Variants in RBMS3 observed in about 807,000 individuals in gnomAD.
RBMS3 encodes RNA binding motif single stranded interacting protein 3.
In RBMS3, 27 loss-of-function variants were observed where a neutral mutation model predicts 66.8. That is an observed-to-expected ratio of 0.40 (90% confidence interval 0.30 to 0.56). RBMS3 has a LOEUF of 0.56. Ranked by LOEUF, RBMS3 falls within the 20% of genes least tolerant of loss-of-function variation. The pLI is 0.40. For missense variants in RBMS3, 513 were observed against 549.5 expected, an observed-to-expected ratio of 0.93 and a Z score of 0.66; for synonymous variants, 188 against 183.0, an observed-to-expected ratio of 1.03 and a Z score of -0.22.
At chr3:29,387,678 G>A (rs56064340) in intron 1 of RBMS3, among the ~76,000 whole-genome samples, 21,786 of 151,998 alleles carry the variant, frequency 0.14, 1,804 homozygotes, top group South Asian at 0.21. Context: ...CAAGGTGGGC[G>A]GATCATGAGG....
chr3:29,897,681 C>G (rs547370537), intron 9 of RBMS3, among the ~76,000 whole-genome samples: 2 of 151,768 alleles, frequency 1.3e-5, no homozygotes, highest in Admixed American at 1.3e-4. Flanking sequence ...ATCCACTATG[C>G]TTTTCATTCT....
chr3:29,927,900 C>G (rs372213776), intron 10 of RBMS3, among the ~76,000 whole-genome samples: 1 of 152,100 alleles, frequency 6.6e-6, no homozygotes. Context: ...CCCTACAACT[C>G]ATTCACTCTA....
intron 6 of RBMS3, among the ~76,000 whole-genome samples, chr3:29,867,358 G>A (rs2059388161): frequency 6.6e-6 from 1 of 151,224 alleles, no homozygotes; most frequent in Non-Finnish European, 1.5e-5. Flanking sequence ...GATTTCTTTA[G>A]CTTACACATT....
At chr3:29,713,772 G>A (rs1462634684) in intron 4 of RBMS3, among the ~76,000 whole-genome samples, 3 of 151,984 alleles carry the variant, frequency 2.0e-5, no homozygotes, top group Admixed American at 6.6e-5. Context: ...ATCTGTTATT[G>A]GGCCAGGTGC....
chr3:29,500,066 C>CT (rs766636744), intron 3 of RBMS3, among the ~76,000 whole-genome samples: 6,337 of 108,288 alleles, frequency 0.059, 214 homozygotes, highest in African/African-American at 0.15. Context: ...GAAGGATTTT[C>CT]TTTTTTTTTT....
intron 4 of RBMS3, among the ~76,000 whole-genome samples, chr3:29,701,598 G>T (rs576330787): frequency 2.0e-5 from 3 of 152,078 alleles, no homozygotes; most frequent in Non-Finnish European, 2.9e-5. Flanking sequence ...GGTGGGAACT[G>T]GGGCTGCGCG....
At chr3:29,952,912 A>G (rs1695776876) in intron 12 of RBMS3, among the ~76,000 whole-genome samples, 1 of 151,900 alleles carries the variant, frequency 6.6e-6, no homozygotes, top group Admixed American at 6.6e-5. Flanking sequence ...ACATTAGCAA[A>G]TAAAATATGA....
At chr3:29,326,931 C>T (rs1038460848) in intron 1 of RBMS3, among the ~76,000 whole-genome samples, 14 of 151,992 alleles carry the variant, frequency 9.2e-5, no homozygotes, top group African/African-American at 2.7e-4. Flanking sequence ...GGGGTTTCAC[C>T]GTGTTGGCCA....
intron 12 of RBMS3, among the ~76,000 whole-genome samples, chr3:29,965,423 G>T (rs1171903997): frequency 6.6e-6 from 1 of 151,962 alleles, no homozygotes; most frequent in African/African-American, 2.4e-5. Flanking sequence ...GGCCATTCTT[G>T]CAAGAGTAAG....
chr3:29,524,416 T>TC, intron 3 of RBMS3, among the ~76,000 whole-genome samples: 1 of 40,868 alleles, frequency 2.4e-5, no homozygotes, highest in Non-Finnish European at 4.3e-5. Flanking sequence ...TCCCTTTACA[T>TC]TTTTTTTTTT....
intron 4 of RBMS3, among the ~76,000 whole-genome samples, chr3:29,653,271 G>A (rs2050206024): frequency 1.3e-5 from 2 of 152,038 alleles, no homozygotes; most frequent in Admixed American, 6.6e-5. Flanking sequence ...TGCAAAATTG[G>A]GATTAGTATA....
intron 4 of RBMS3, among the ~76,000 whole-genome samples, chr3:29,589,393 T>A (rs1320949530): frequency 6.6e-6 from 1 of 152,086 alleles, no homozygotes; most frequent in Non-Finnish European, 1.5e-5. Flanking sequence ...GTACAAAAAA[T>A]GAGATTCCAA....
chr3:29,960,594 C>A (rs990212223), intron 12 of RBMS3, among the ~76,000 whole-genome samples: 1 of 152,208 alleles, frequency 6.6e-6, no homozygotes, highest in Non-Finnish European at 1.5e-5. Flanking sequence ...AGAAGTTCTC[C>A]ATGAGAGTTC....
At chr3:29,707,546 A>C (rs2052960585) in intron 4 of RBMS3, among the ~76,000 whole-genome samples, 1 of 152,228 alleles carries the variant, frequency 6.6e-6, no homozygotes. Context: ...ACATCTGACA[A>C]GAAAAACCAC....
intron 6 of RBMS3, 134 bp downstream of exon 6, chr3:29,763,123 T>A (rs2055769595): frequency 1.7e-6 from 1 of 589,526 alleles, no homozygotes; most frequent in South Asian, 2.4e-5. Flanking sequence ...TATTTTCAAA[T>A]AATACTGTGT....
At chr3:29,660,381 T>G (rs907634113) in intron 4 of RBMS3, among the ~76,000 whole-genome samples, 13 of 152,206 alleles carry the variant, frequency 8.5e-5, no homozygotes, top group African/African-American at 3.1e-4. Context: ...GGGATACCAT[T>G]TGCATTTCTT....
chr3:29,763,907 C>T lies in RBMS3; in HGVS notation c.637+918C>T, dbSNP rs180898409. On this transcript the variant is annotated intron_variant, in intron 6 of 14. Coordinates refer to ENST00000383767, the MANE Select transcript of RBMS3 (RefSeq NM_001003793.3). ...CAGTTATTCTCAGAGGAGACTAAGGCGACTTCTTCCATCTTACAATATGTG... is the reference window on the plus strand; with the variant it reads ...CAGTTATTCTCAGAGGAGACTAAGGTGACTTCTTCCATCTTACAATATGTG... 7.2e-5 allele frequency among the ~76,000 whole-genome samples: 11 copies of T among 152,094 alleles called. No individual in the cohort carries two copies. The East Asian group carries it at 9.7e-4, about 13-fold the overall frequency.
At chr3:29,548,993 A>G (rs2149028251) in intron 3 of RBMS3, among the ~76,000 whole-genome samples, 1 of 151,960 alleles carries the variant, frequency 6.6e-6, no homozygotes, top group South Asian at 2.1e-4. Context: ...AAAAATCACC[A>G]AACAAATAAT....
intron 6 of RBMS3, among the ~76,000 whole-genome samples, chr3:29,806,789 A>G (rs1229020737): frequency 1.3e-5 from 2 of 152,050 alleles, no homozygotes; most frequent in East Asian, 3.9e-4. Context: ...TATTTCTTAC[A>G]GCACCTACTG....
Sources: gnomAD v4.1 joint callset for allele counts (sites outside exome capture counted in the v4.1 genomes callset) on GRCh38, gnomAD v4.1.1 for gene constraint, MANE v1.5 for transcripts, NCBI Gene and HGNC (gene_info 2026-07-23, HGNC 2026-07-21) for gene names.